Variants in NOVA1 observed in about 807,000 individuals in gnomAD.
NOVA1 encodes RNA-binding protein Nova-1.
A neutral mutation model predicts 38.0 loss-of-function variants in NOVA1; 7 were observed. The observed-to-expected ratio is 0.18, with a 90% CI of 0.10 to 0.35. The LOEUF (loss-of-function observed/expected upper bound fraction) is 0.35, where lower values mean the gene tolerates loss of function less well. Ranked by LOEUF, NOVA1 falls within the 10% of genes least tolerant of loss-of-function variation. The probability of loss-of-function intolerance (pLI) is 1.00; values close to 1 mark genes in which losing one functional copy is unlikely to be tolerated. For missense variants in NOVA1, 460 were observed against 616.0 expected, an observed-to-expected ratio of 0.75 and a Z score of 2.68; for synonymous variants, 270 against 232.5, an observed-to-expected ratio of 1.16 and a Z score of -1.47.
intron 4 of NOVA1, among the ~76,000 whole-genome samples, chr14:26,467,021 A>G (rs992722378): frequency 6.6e-6 from 1 of 152,214 alleles, no homozygotes; most frequent in African/African-American, 2.4e-5. Flanking sequence ...CTAAGATAAC[A>G]GTACATTTGT....
chr14:26,499,141 A>C (rs1248466765), intron 2 of NOVA1, among the ~76,000 whole-genome samples: 2 of 152,216 alleles, frequency 1.3e-5, no homozygotes, highest in Non-Finnish European at 2.9e-5. Context: ...TATTGTTTTC[A>C]GGACTTTTGC....
chr14:26,473,487 A>G (rs1353779807), intron 3 of NOVA1, among the ~76,000 whole-genome samples: 1 of 151,992 alleles, frequency 6.6e-6, no homozygotes, highest in African/African-American at 2.4e-5. Flanking sequence ...AATTACTCAG[A>G]TATGAGCAAA....
chr14:26,453,591 T>A (rs1459198667), intron 4 of NOVA1, among the ~76,000 whole-genome samples: 1 of 152,122 alleles, frequency 6.6e-6, no homozygotes, highest in Non-Finnish European at 1.5e-5. Flanking sequence ...AAATACCACA[T>A]AAACTGATTT....
At chr14:26,567,906 A>G (rs79083566) in intron 2 of NOVA1, among the ~76,000 whole-genome samples, 1,569 of 152,306 alleles carry the variant, frequency 0.01, 25 homozygotes, top group African/African-American at 0.036. Flanking sequence ...AGCTTAACCA[A>G]TATTACAGTC....
chr14:26,480,186 G>A, intron 2 of NOVA1, 43 bp from the exon 3 acceptor site: 7 of 1,522,504 alleles, frequency 4.6e-6, no homozygotes, highest in South Asian at 3.7e-5. Flanking sequence ...TCCACACTTT[G>A]CATTAAAAAA....
chr14:26,451,913 C>T (rs1882715836), intron 4 of NOVA1, among the ~76,000 whole-genome samples: 1 of 152,024 alleles, frequency 6.6e-6, no homozygotes, highest in East Asian at 1.9e-4. Flanking sequence ...GATGTGGCCC[C>T]AAGTTTTGTT....
intron 2 of NOVA1, among the ~76,000 whole-genome samples, chr14:26,487,780 AT>A (rs1566469813): frequency 6.6e-6 from 1 of 152,124 alleles, no homozygotes; most frequent in African/African-American, 2.4e-5. Flanking sequence ...TTTCTCCAAG[AT>A]TTATTCCAAA....
rs1234008163 is a variant in NOVA1 at position 26,448,396 on chromosome 14, C to T, written c.1087G>A (p.Ala363Thr). ...NPAAAAANLL[A>T]TYASEASASG... is the part of the protein sequence containing the mutation. The stretch of plus-strand genomic sequence containing the variant: ...GCTGAGGCTTCACTGGCATAGGTGG[C>T]CAATAAATTGGCTGCTGCTGCTGCT... Residue 363 changes from alanine (A) to threonine (T), a missense_variant, in exon 5 of 5, where the codon GCC (alanine) becomes ACC (threonine). Coordinates refer to ENST00000539517, the MANE Select transcript of NOVA1 (RefSeq NM_002515.3). The surrounding 1 kb of genome is among the most constrained non-coding windows in gnomAD (Gnocchi z 5.3). The T allele has an allele frequency of 6.2e-7, 1 of 1,613,068 alleles. No homozygotes were observed. Among genetic ancestry groups the T allele is most frequent in the East Asian group, 2.2e-5 (1 of 44,824 alleles).
At chr14:26,579,753 G>A (rs1404801437) in intron 2 of NOVA1, among the ~76,000 whole-genome samples, 1 of 151,988 alleles carries the variant, frequency 6.6e-6, no homozygotes, top group Non-Finnish European at 1.5e-5. Context: ...AAAAAAAGTG[G>A]CCTCTGAAAG....
chr14:26,467,227 G>A (rs1455890937), intron 4 of NOVA1, among the ~76,000 whole-genome samples: 1 of 152,142 alleles, frequency 6.6e-6, no homozygotes, highest in Non-Finnish European at 1.5e-5. Flanking sequence ...ATCAAACGTG[G>A]GTAGTATCCT....
chr14:26,490,765 A>G (rs1177702505), intron 2 of NOVA1, among the ~76,000 whole-genome samples: 1 of 151,982 alleles, frequency 6.6e-6, no homozygotes, highest in Non-Finnish European at 1.5e-5. Flanking sequence ...TGCAGCCACA[A>G]ACTCCTGGAC....
At chr14:26,474,134 C>G (rs2138264118) in intron 3 of NOVA1, among the ~76,000 whole-genome samples, 1 of 152,078 alleles carries the variant, frequency 6.6e-6, no homozygotes, top group South Asian at 2.1e-4. Context: ...AAAATCTATT[C>G]AGTACTAATC....
At chr14:26,573,792 GC>G (rs1257678271) in intron 2 of NOVA1, among the ~76,000 whole-genome samples, 1 of 152,096 alleles carries the variant, frequency 6.6e-6, no homozygotes, top group Non-Finnish European at 1.5e-5. Context: ...AAAATGTAAA[GC>G]TAATCAGAAA....
intron 2 of NOVA1, among the ~76,000 whole-genome samples, chr14:26,557,924 T>A (rs1296026179): frequency 6.6e-6 from 1 of 151,776 alleles, no homozygotes; most frequent in African/African-American, 2.4e-5. Context: ...GGAATATTAT[T>A]TCACGATTAA....
At chr14:26,508,505 C>G (rs895745354) in intron 2 of NOVA1, among the ~76,000 whole-genome samples, 2 of 151,476 alleles carry the variant, frequency 1.3e-5, no homozygotes, top group African/African-American at 4.8e-5. Context: ...CTATATCCTA[C>G]GATTTGATAA....
intron 2 of NOVA1, among the ~76,000 whole-genome samples, chr14:26,504,925 C>A (rs1326348400): frequency 1.3e-5 from 2 of 152,148 alleles, no homozygotes; most frequent in Non-Finnish European, 2.9e-5. Flanking sequence ...TTTTTGCACT[C>A]TCTCTTCCTT....
rs1385595528 is a variant in NOVA1, at chr14:26,445,941, G to A, written c.*2018C>T. ...TGATAAAATGAGTAAATATAATAGC[G>A]GCAATGCTAACCACTGATTCCACGA... On this transcript the variant is annotated 3_prime_UTR_variant, in exon 5 of 5. Coordinates refer to ENST00000539517, the MANE Select transcript of NOVA1 (RefSeq NM_002515.3). 1 of 152,478 alleles carries A rather than the reference G, an allele frequency of 6.6e-6. No homozygotes were observed. The highest frequency in any genetic ancestry group is 2.4e-5 in the African/African-American group (1 of 41,482). The allele number at this position is 152,478 out of a possible 1,614,324, so 9.4% of individuals were successfully genotyped here.
chr14:26,468,594 G>A (rs178218), intron 4 of NOVA1, among the ~76,000 whole-genome samples: 140,623 of 152,258 alleles, frequency 0.92, 65,767 homozygotes, highest in East Asian at 1. Flanking sequence ...AGAGAGGAGA[G>A]GTTGTGAAAT....
intron 2 of NOVA1, among the ~76,000 whole-genome samples, chr14:26,590,923 T>C (rs147150502): frequency 1.7e-3 from 252 of 151,880 alleles, no homozygotes; most frequent in African/African-American, 5.9e-3. Context: ...TGATGTCTTA[T>C]AACTTACTCT....
Sources: allele counts gnomAD v4.1 joint callset (sites outside exome capture counted in the v4.1 genomes callset), GRCh38; gene constraint gnomAD v4.1.1; non-coding constraint Gnocchi (gnomAD v3.1); transcripts MANE v1.5; gene names NCBI Gene and HGNC (gene_info 2026-07-23, HGNC 2026-07-21).